PDE8A: variants seen among roughly 807,000 people sequenced by gnomAD.
PDE8A encodes phosphodiesterase 8A.
PDE8A carries 59 observed loss-of-function variants against 105.0 expected under a neutral mutation model. The ratio of observed to expected loss-of-function variants is 0.56; its 90% CI spans 0.46 to 0.70. The LOEUF is 0.70. Ranked by LOEUF, PDE8A falls within the 30% of genes least tolerant of loss-of-function variation. The pLI, the probability that PDE8A is intolerant of heterozygous loss-of-function variation, is 0.00. For missense variants in PDE8A, 1,014 were observed against 1,045.9 expected (o/e 0.97, Z 0.42); for synonymous variants, 355 against 371.9 (o/e 0.95, Z 0.52).
chr15:85,017,117 C>T (rs1023551629), intron 1 of PDE8A, among the ~76,000 whole-genome samples: 1 of 151,402 alleles, frequency 6.6e-6, no homozygotes, highest in African/African-American at 2.4e-5. Flanking sequence ...AAAAATTAGC[C>T]GGGCGCGGTG....
intron 1 of PDE8A, among the ~76,000 whole-genome samples, chr15:85,046,971 ATAT>A (rs1461417828): frequency 6.6e-6 from 1 of 152,186 alleles, no homozygotes; most frequent in Non-Finnish European, 1.5e-5. Flanking sequence ...TGATATCCTA[ATAT>A]TATAACCTTT....
intron 12 of PDE8A, 86 bp from the exon 13 acceptor site, chr15:85,113,291 T>C (rs546881729): frequency 7.1e-5 from 77 of 1,087,492 alleles, no homozygotes; most frequent in Non-Finnish European, 1.1e-4. Flanking sequence ...CCCTTCATCA[T>C]GCAGCCGAGC....
At chr15:85,127,108 G>T (rs956313550) in intron 20 of PDE8A, among the ~76,000 whole-genome samples, 1 of 152,108 alleles carries the variant, frequency 6.6e-6, no homozygotes, top group African/African-American at 2.4e-5. Flanking sequence ...GAGGCAGGAG[G>T]ATCGCTTGAA....
At chr15:85,021,614 T>C (rs2080427988) in intron 1 of PDE8A, among the ~76,000 whole-genome samples, 1 of 152,054 alleles carries the variant, frequency 6.6e-6, no homozygotes, top group Non-Finnish European at 1.5e-5. Context: ...TCAAACTGAC[T>C]AAGACAACAG....
At chr15:85,043,896 A>T (rs1371174622) in intron 1 of PDE8A, among the ~76,000 whole-genome samples, 1 of 152,044 alleles carries the variant, frequency 6.6e-6, no homozygotes, top group Non-Finnish European at 1.5e-5. Context: ...ACAGGGTTTC[A>T]CCATATTGGC....
chr15:85,081,307 A>T (rs1040961693), intron 5 of PDE8A, among the ~76,000 whole-genome samples: 1 of 152,218 alleles, frequency 6.6e-6, no homozygotes, highest in African/African-American at 2.4e-5. Context: ...CGGTAGACTC[A>T]CTGCTGGGTG....
chr15:85,040,370 TAAAAA>T (rs35955528), intron 1 of PDE8A, among the ~76,000 whole-genome samples: 4 of 103,712 alleles, frequency 3.9e-5, no homozygotes, highest in African/African-American at 7.1e-5. Context: ...ACCTCTTCTC[TAAAAA>T]AAAAAAAAAA....
chr15:85,092,669 C>G (rs995832878), intron 8 of PDE8A, among the ~76,000 whole-genome samples: 1 of 152,072 alleles, frequency 6.6e-6, no homozygotes, highest in Non-Finnish European at 1.5e-5. Context: ...TGTGGCAGAA[C>G]TTCCACTGAG....
chr15:85,061,221 T>A (rs1460833637), intron 1 of PDE8A, among the ~76,000 whole-genome samples: 1 of 151,842 alleles, frequency 6.6e-6, no homozygotes, highest in Non-Finnish European at 1.5e-5. Context: ...TCTTTTTTAT[T>A]TTTCTTCTTT....
rs1181537171 is a variant in PDE8A, at chr15:85,114,027, G to A, written c.1340G>A (p.Gly447Asp). 1.9e-6 allele frequency: 3 copies of A among 1,613,164 alleles called. No homozygotes were observed. The highest frequency in any genetic ancestry group is 1.1e-5 in the South Asian group (1 of 91,036). The change falls in exon 14 of 22, where the codon GGC (glycine) becomes GAC (aspartate). Residue 447 changes from glycine (G) to aspartate (D), a missense_variant. Coordinates refer to ENST00000394553, the MANE Select transcript of PDE8A (RefSeq NM_002605.3). The part of the protein sequence containing the change: ...DDPHANDLVG[G>D]LMSDGLRRLS... ...CCCCATGCCAATGACCTTGTTGGGG[G>A]CTTAATGTCTGTAAGTATATTTGAC...
At chr15:85,015,731 C>A (rs1370152847) in intron 1 of PDE8A, among the ~76,000 whole-genome samples, 3 of 152,142 alleles carry the variant, frequency 2.0e-5, no homozygotes, top group African/African-American at 7.2e-5. Context: ...ACTATCTGTC[C>A]ATATCACTCT....
At chr15:85,089,249 AC>A (rs1224073419) in intron 6 of PDE8A, 88 bp from the exon 7 acceptor site, 1 of 735,242 alleles carries the variant, frequency 1.4e-6, no homozygotes, top group Non-Finnish European at 2.3e-6. Context: ...TATAAATCGG[AC>A]AAAAAATACA....
At chr15:85,107,146 A>G (rs955638834) in intron 11 of PDE8A, among the ~76,000 whole-genome samples, 2 of 152,332 alleles carry the variant, frequency 1.3e-5, no homozygotes, top group Non-Finnish European at 2.9e-5. Context: ...CCTGAACTGC[A>G]TCTTCAAAGA....
chr15:84,988,502 T>A (rs1567215659), intron 1 of PDE8A, among the ~76,000 whole-genome samples: 1 of 152,260 alleles, frequency 6.6e-6, no homozygotes, highest in Non-Finnish European at 1.5e-5. Flanking sequence ...GAATCTGCCC[T>A]CTTTGCTGTC....
At chr15:85,086,832 C>G (rs2081560638) in intron 6 of PDE8A, among the ~76,000 whole-genome samples, 1 of 151,958 alleles carries the variant, frequency 6.6e-6, no homozygotes, top group African/African-American at 2.4e-5. Flanking sequence ...CTCACTGCAA[C>G]CTTCACCTCC....
chr15:85,080,661 G>A (rs143715449), intron 5 of PDE8A, among the ~76,000 whole-genome samples: 84 of 152,308 alleles, frequency 5.5e-4, no homozygotes, highest in African/African-American at 1.9e-3. Context: ...GCATAGTTCT[G>A]TGGACCAGAA....
At chr15:85,046,044 G>A (rs933965903) in intron 1 of PDE8A, among the ~76,000 whole-genome samples, 19 of 149,700 alleles carry the variant, frequency 1.3e-4, no homozygotes, top group African/African-American at 4.6e-4. Flanking sequence ...TAGGCTCTTC[G>A]TAAGATTCTT....
chr15:85,025,413 G>GT (rs1414626789), intron 1 of PDE8A, among the ~76,000 whole-genome samples: 4 of 149,748 alleles, frequency 2.7e-5, no homozygotes, highest in Admixed American at 6.6e-5. Context: ...TGAATTTCCT[G>GT]TTTTTTCCAG....
At chr15:85,067,482 T>C (rs1485275587) in intron 3 of PDE8A, among the ~76,000 whole-genome samples, 2 of 152,202 alleles carry the variant, frequency 1.3e-5, no homozygotes, top group African/African-American at 4.8e-5. Flanking sequence ...ATCACTTGTA[T>C]ATTAGTGCAG....
Sources: allele counts gnomAD v4.1 joint callset (sites outside exome capture counted in the v4.1 genomes callset), GRCh38; gene constraint gnomAD v4.1.1; transcripts MANE v1.5; gene names NCBI Gene and HGNC (gene_info 2026-07-23, HGNC 2026-07-21).